The following CDH8 variants were observed in gnomAD, a reference collection of about 807,000 sequenced individuals.
The protein encoded by CDH8 is cadherin 8.
Under a neutral mutation model 68.1 loss-of-function variants are expected in CDH8, and 17 were observed. The ratio of observed to expected loss-of-function variants is 0.25; its 90% confidence interval spans 0.17 to 0.37. CDH8 has a LOEUF of 0.37. Ranked by LOEUF, CDH8 falls within the 10% of genes least tolerant of loss-of-function variation. CDH8 has a pLI of 1.00. For synonymous variants in CDH8, 372 were observed against 365.1 expected (o/e 1.02, Z -0.21); for missense variants, 763 against 999.3 (o/e 0.76, Z 3.19).
At chr16:61,971,240 G>T (rs1965335806) in intron 2 of CDH8, among the ~76,000 whole-genome samples, 1 of 152,064 alleles carries the variant, frequency 6.6e-6, no homozygotes, top group African/African-American at 2.4e-5. Flanking sequence ...CTCACACAAA[G>T]CCTGTTTGGT....
At chr16:61,757,736 A>G (rs760510937) in intron 8 of CDH8, among the ~76,000 whole-genome samples, 7 of 152,120 alleles carry the variant, frequency 4.6e-5, no homozygotes, top group Admixed American at 6.6e-5. Context: ...GATGGCCACC[A>G]CCAATTTGCC....
At chr16:61,863,256 C>G (rs1169293107) in intron 3 of CDH8, among the ~76,000 whole-genome samples, 4 of 152,208 alleles carry the variant, frequency 2.6e-5, no homozygotes, top group Admixed American at 2.6e-4. Context: ...AAAAGGCTTA[C>G]AGTATCATGT....
intron 9 of CDH8, among the ~76,000 whole-genome samples, chr16:61,717,385 A>G (rs1464100616): frequency 6.6e-6 from 1 of 151,584 alleles, no homozygotes; most frequent in Non-Finnish European, 1.5e-5. Flanking sequence ...TTGAAATTAA[A>G]TAAACGTTCT....
chr16:61,730,711 C>A (rs892366500), intron 8 of CDH8, among the ~76,000 whole-genome samples: 1 of 151,372 alleles, frequency 6.6e-6, no homozygotes, highest in Non-Finnish European at 1.5e-5. Context: ...TTATCTATTT[C>A]TTTAGAAAAG....
At chr16:61,801,664 G>C (rs1961640062) in intron 7 of CDH8, among the ~76,000 whole-genome samples, 1 of 152,206 alleles carries the variant, frequency 6.6e-6, no homozygotes, top group African/African-American at 2.4e-5. Context: ...GAAGCGCAAG[G>C]GGTCAGGGAG....
intron 4 of CDH8, among the ~76,000 whole-genome samples, chr16:61,844,437 T>TA (rs1275815887): frequency 1.3e-5 from 2 of 152,006 alleles, no homozygotes; most frequent in East Asian, 1.9e-4. Context: ...TAATAAAGTT[T>TA]AAAAAAAAGT....
intron 8 of CDH8, among the ~76,000 whole-genome samples, chr16:61,747,426 G>A (rs1263159195): frequency 6.6e-6 from 1 of 151,932 alleles, no homozygotes; most frequent in East Asian, 1.9e-4. Context: ...TACTCATCAT[G>A]TTCACTTTTA....
chr16:61,942,682 C>G (rs1321717078), intron 2 of CDH8, among the ~76,000 whole-genome samples: 1 of 152,214 alleles, frequency 6.6e-6, no homozygotes, highest in Admixed American at 6.5e-5. Context: ...GTTCCTCTAA[C>G]AAGTTCACCT....
intron 4 of CDH8, among the ~76,000 whole-genome samples, chr16:61,834,589 G>A (rs767818928): frequency 3.3e-5 from 5 of 151,870 alleles, no homozygotes; most frequent in Non-Finnish European, 5.9e-5. Context: ...CTCAAAAAAG[G>A]TGGTGCTGAT....
intron 6 of CDH8, among the ~76,000 whole-genome samples, chr16:61,819,019 C>T (rs1962149060): frequency 6.7e-6 from 1 of 149,864 alleles, no homozygotes; most frequent in Admixed American, 6.7e-5. Flanking sequence ...TAAGCACATG[C>T]ATCCATGAAT....
At chr16:61,672,404 C>T (rs555181971) in intron 10 of CDH8, among the ~76,000 whole-genome samples, 52 of 152,072 alleles carry the variant, frequency 3.4e-4, no homozygotes, top group South Asian at 1.5e-3. Context: ...ATCTTATTAC[C>T]TATTTGGTTG....
At chr16:61,654,926 G>C (rs1468882369) in intron 11 of CDH8, among the ~76,000 whole-genome samples, 1 of 152,172 alleles carries the variant, frequency 6.6e-6, no homozygotes, top group South Asian at 2.1e-4. Flanking sequence ...AAAGGTTATA[G>C]AATCTTAATT....
chr16:61,836,002 C>A (rs1458698613), intron 4 of CDH8, among the ~76,000 whole-genome samples: 2 of 151,730 alleles, frequency 1.3e-5, no homozygotes, highest in Non-Finnish European at 2.9e-5. Context: ...ATAGAAATAC[C>A]CACCTGAGAC....
In CDH8 at chr16:61,677,644, A is replaced by T. The variant is rs141183367; in HGVS notation, c.1655-21923T>A. On this transcript the variant is annotated intron_variant, in intron 10 of 11. Coordinates refer to ENST00000577390, the MANE Select transcript of CDH8 (RefSeq NM_001796.5). Reference sequence around the variant, plus strand: ...TAGTTGGGCTGGAATTTCAGCCTCTATGTAAGTACATCTATCTATTTTCCT... The same window carrying T: ...TAGTTGGGCTGGAATTTCAGCCTCTTTGTAAGTACATCTATCTATTTTCCT... 3.3e-5 allele frequency among the ~76,000 whole-genome samples: 5 copies of T among 152,156 alleles called. No homozygotes were observed. In the East Asian group the frequency reaches 9.7e-4, roughly 30 times the overall value.
intron 8 of CDH8, among the ~76,000 whole-genome samples, chr16:61,738,211 C>A (rs1170429018): frequency 6.6e-6 from 1 of 152,164 alleles, no homozygotes; most frequent in Non-Finnish European, 1.5e-5. Context: ...CAAGCCCTCA[C>A]TGACCCCTGT....
At chr16:61,924,202 G>A (rs935391197) in intron 2 of CDH8, among the ~76,000 whole-genome samples, 1 of 152,102 alleles carries the variant, frequency 6.6e-6, no homozygotes, top group Non-Finnish European at 1.5e-5. Flanking sequence ...CTTTTAATAA[G>A]TGGTTCGAAA....
At chr16:62,029,793 C>G (rs897281473) in intron 1 of CDH8, among the ~76,000 whole-genome samples, 1 of 152,166 alleles carries the variant, frequency 6.6e-6, no homozygotes, top group Non-Finnish European at 1.5e-5. Flanking sequence ...AAGGTGATAG[C>G]TATATACTAC....
At chr16:61,700,472 G>A (rs768261823) in intron 10 of CDH8, among the ~76,000 whole-genome samples, 3 of 151,830 alleles carry the variant, frequency 2.0e-5, no homozygotes, top group Non-Finnish European at 4.4e-5. Flanking sequence ...GTAGAGACAG[G>A]GTTTCACCAT....
intron 3 of CDH8, among the ~76,000 whole-genome samples, chr16:61,878,276 GC>G (rs1375271763): frequency 6.6e-6 from 1 of 152,202 alleles, no homozygotes; most frequent in Non-Finnish European, 1.5e-5. Context: ...TTTTAACATA[GC>G]TTCACAGGCT....
Sources: gnomAD v4.1 joint callset for allele counts (sites outside exome capture counted in the v4.1 genomes callset) on GRCh38, gnomAD v4.1.1 for gene constraint, MANE v1.5 for transcripts, NCBI Gene and HGNC (gene_info 2026-07-23, HGNC 2026-07-21) for gene names.